ATG10: variants seen among roughly 807,000 people sequenced by gnomAD.
ATG10 encodes the protein autophagy related 10.
ATG10 carries 30 observed loss-of-function variants against 32.1 expected under a neutral mutation model. The observed-to-expected ratio is 0.94, with a 90% confidence interval of 0.70 to 1.27. The LOEUF (loss-of-function observed/expected upper bound fraction) is 1.27. Ranked by LOEUF, ATG10 falls within the 50% of genes most tolerant of loss-of-function variation. The pLI is 0.00. For missense variants in ATG10, 233 were observed against 262.3 expected, an observed-to-expected ratio of 0.89 and a Z score of 0.77; for synonymous variants, 87 against 91.5, an observed-to-expected ratio of 0.95 and a Z score of 0.28.
rs150073799 is a variant in ATG10, at chr5:82,125,276, A to G, written c.217-39123A>G. ...ATGATAATTTCTTTTGTGGTGCAGAAGCTCTTTAGTTTAATTAGATCCCAT... is the reference window on the plus strand; with the variant it reads ...ATGATAATTTCTTTTGTGGTGCAGAGGCTCTTTAGTTTAATTAGATCCCAT... On this transcript the variant is annotated intron_variant, in intron 3 of 7. Coordinates refer to ENST00000282185, the MANE Select transcript of ATG10 (RefSeq NM_031482.5). 5.8e-3 allele frequency among the ~76,000 whole-genome samples: 885 copies of G among 152,304 alleles called. 26 individuals are homozygous for G. In the East Asian group the frequency reaches 0.085, roughly 15 times the overall value.
At chr5:82,221,977 T>A (rs1745945803) in intron 5 of ATG10, among the ~76,000 whole-genome samples, 1 of 152,234 alleles carries the variant, frequency 6.6e-6, no homozygotes, top group African/African-American at 2.4e-5. Flanking sequence ...GGAGTTGCAT[T>A]AAAGGTCATG....
chr5:82,226,630 G>A (rs1297469483), intron 5 of ATG10, among the ~76,000 whole-genome samples: 1 of 152,086 alleles, frequency 6.6e-6, no homozygotes, highest in Non-Finnish European at 1.5e-5. Context: ...TCTGTACATA[G>A]CAATACTTTA....
chr5:82,136,715 C>G lies in ATG10; in HGVS notation c.217-27684C>G, dbSNP rs116244657. The stretch of plus-strand genomic sequence containing the variant: ...TGGGGTTGTTCTTCTCAAGGAGTTT[C>G]TTTGTGATATTCTCTGAATTTTCTG... On this transcript the variant is annotated intron_variant, in intron 3 of 7. Coordinates refer to ENST00000282185, the MANE Select transcript of ATG10 (RefSeq NM_031482.5). Among the ~76,000 whole-genome samples the G allele has an allele frequency of 7.4e-3, 1,131 of 152,144 alleles. 13 individuals carry two copies. Among genetic ancestry groups the G allele is most frequent in the African/African-American group, 0.025 (1,055 of 41,486 alleles).
At chr5:82,164,981 T>C (rs1743518756) in intron 4 of ATG10, among the ~76,000 whole-genome samples, 1 of 152,278 alleles carries the variant, frequency 6.6e-6, no homozygotes, top group African/African-American at 2.4e-5. Context: ...GCTTAAGCTG[T>C]ATTTAAAAAT....
chr5:82,086,358 TAAC>T (rs1157328898), intron 3 of ATG10, among the ~76,000 whole-genome samples: 1 of 152,148 alleles, frequency 6.6e-6, no homozygotes, highest in African/African-American at 2.4e-5. Flanking sequence ...ACAATAAAAT[TAAC>T]AAAATAATAC....
At chr5:82,047,578 A>G (rs1199273805) in intron 2 of ATG10, among the ~76,000 whole-genome samples, 2 of 152,206 alleles carry the variant, frequency 1.3e-5, no homozygotes, top group African/African-American at 4.8e-5. Context: ...GCTTCTCCCC[A>G]CATCAGGTCA....
At chr5:82,170,785 A>C (rs990473819) in intron 4 of ATG10, among the ~76,000 whole-genome samples, 1 of 152,010 alleles carries the variant, frequency 6.6e-6, no homozygotes, top group African/African-American at 2.4e-5. Flanking sequence ...ATCTCTACTA[A>C]AATACAAAAA....
chr5:82,203,056 C>T (rs1040923587), intron 5 of ATG10, among the ~76,000 whole-genome samples: 8 of 151,946 alleles, frequency 5.3e-5, no homozygotes, highest in Non-Finnish European at 8.8e-5. Context: ...GGCAAAACCC[C>T]GTCTCTACTA....
intron 2 of ATG10, among the ~76,000 whole-genome samples, chr5:81,993,391 T>TTCTTTTCTTTTC (rs1761552275): frequency 8.3e-6 from 1 of 119,882 alleles, no homozygotes; most frequent in Non-Finnish European, 1.6e-5. Context: ...TTCTTTTCTT[T>TTCTTTTCTTTTC]TTTTTTCTTT....
intron 3 of ATG10, among the ~76,000 whole-genome samples, chr5:82,061,569 A>C (rs1426216604): frequency 6.6e-6 from 1 of 151,688 alleles, no homozygotes; most frequent in Non-Finnish European, 1.5e-5. Flanking sequence ...TTACCCATAG[A>C]ACTAGCTCAC....
intron 3 of ATG10, among the ~76,000 whole-genome samples, chr5:82,079,663 G>A (rs998421874): frequency 9.2e-5 from 14 of 151,910 alleles, no homozygotes; most frequent in Non-Finnish European, 1.6e-4. Context: ...ATGGTTTCCA[G>A]TTTCATCCAT....
intron 1 of ATG10, among the ~76,000 whole-genome samples, chr5:81,985,590 T>A (rs1300339375): frequency 6.6e-6 from 1 of 152,186 alleles, no homozygotes; most frequent in African/African-American, 2.4e-5. Flanking sequence ...TCTGTCTTAC[T>A]CAATGCACCA....
At chr5:82,074,227 T>C (rs1764208263) in intron 3 of ATG10, among the ~76,000 whole-genome samples, 1 of 152,218 alleles carries the variant, frequency 6.6e-6, no homozygotes, top group Non-Finnish European at 1.5e-5. Flanking sequence ...GTATAAAATT[T>C]CTGTCAATTT....
In ATG10 at chr5:82,146,837, G is replaced by A. The variant is rs531128593; in HGVS notation, c.217-17562G>A. 8.8e-4 allele frequency among the ~76,000 whole-genome samples: 133 copies of A among 151,936 alleles called. 1 individual carries two copies. Among genetic ancestry groups the A allele is most frequent in the African/African-American group, 3.2e-3 (131 of 41,466 alleles). The stretch of plus-strand genomic sequence containing the variant: ...AATATGAATATATTTTTTCCTCAGT[G>A]AGCATACTTATAATAGCTGTTTTGA... On this transcript the variant is annotated intron_variant, in intron 3 of 7. Transcript: ENST00000282185.
rs546618194 is a variant in ATG10, at chr5:82,211,337, C to A, written c.453+32750C>A. ...GATTTTATTATTTCTTATATATAAT[C>A]TACAGGTTCTGGATTATTCTCTGCT... On this transcript the variant is annotated intron_variant, in intron 5 of 7. Coordinates refer to ENST00000282185, the MANE Select transcript of ATG10 (RefSeq NM_031482.5). 2.8e-4 allele frequency among the ~76,000 whole-genome samples: 42 copies of A among 152,218 alleles called. No individual in the cohort carries two copies. The South Asian group carries it at 8.7e-3, about 32-fold the overall frequency.
At chr5:82,189,371 C>A (rs989339104) in intron 5 of ATG10, among the ~76,000 whole-genome samples, 2 of 152,120 alleles carry the variant, frequency 1.3e-5, no homozygotes, top group African/African-American at 4.8e-5. Flanking sequence ...GAGAGACAGA[C>A]TTTTTCTTGT....
At chr5:82,031,706 CAAAG>C (rs1047544244) in intron 2 of ATG10, among the ~76,000 whole-genome samples, 4 of 152,126 alleles carry the variant, frequency 2.6e-5, no homozygotes, top group African/African-American at 4.8e-5. Flanking sequence ...GTACTGAAGA[CAAAG>C]AAAGAGGTGG....
In ATG10 at chr5:82,052,611, AC is replaced by A. The variant is rs1373125642; in HGVS notation, c.109-5881del. Among the ~76,000 whole-genome samples the A allele has an allele frequency of 5.3e-5, 8 of 152,238 alleles. No individual in the cohort carries two copies. The East Asian group carries it at 1.4e-3, about 26-fold the overall frequency. On this transcript the variant is annotated intron_variant, in intron 2 of 7. Coordinates refer to ENST00000282185, the MANE Select transcript of ATG10 (RefSeq NM_031482.5). Reference sequence around the variant, plus strand: ...ATTAAAAAGTTAAGTCTCCTTTCTAACCCTTCTACTTTCCTTACTCAAACCT... The same window carrying A: ...ATTAAAAAGTTAAGTCTCCTTTCTAACCTTCTACTTTCCTTACTCAAACCT...
intron 2 of ATG10, among the ~76,000 whole-genome samples, chr5:81,989,215 G>A (rs140545030): frequency 4.2e-4 from 64 of 152,324 alleles, no homozygotes; most frequent in Admixed American, 1.2e-3. Context: ...CCCGGTTCCC[G>A]AAAAGTGATG....
Sources: allele counts gnomAD v4.1 joint callset (sites outside exome capture counted in the v4.1 genomes callset), GRCh38; gene constraint gnomAD v4.1.1; transcripts MANE v1.5; gene names NCBI Gene and HGNC (gene_info 2026-07-23, HGNC 2026-07-21).